Variants in GLIS1 observed in about 807,000 individuals in gnomAD.
GLIS1 encodes the protein GLIS family zinc finger 1.
A neutral mutation model predicts 63.8 loss-of-function variants in GLIS1; 24 were observed. That is an observed-to-expected ratio of 0.38 (90% CI 0.27 to 0.53). The LOEUF is 0.53. Ranked by LOEUF, GLIS1 falls within the 20% of genes least tolerant of loss-of-function variation. The pLI is 0.85. For missense variants in GLIS1, 1,036 were observed against 1,074.1 expected, an observed-to-expected ratio of 0.96 and a Z score of 0.50; for synonymous variants, 450 against 482.5, an observed-to-expected ratio of 0.93 and a Z score of 0.88.
chr1:53,509,581 G>A (rs776041321), intron 9 of GLIS1, among the ~76,000 whole-genome samples: 3 of 152,122 alleles, frequency 2.0e-5, no homozygotes, highest in South Asian at 2.1e-4. Flanking sequence ...GCTCAATCCC[G>A]CTCACTGGCC....
At chr1:53,729,642 G>A (rs1646840325) in intron 2 of GLIS1, among the ~76,000 whole-genome samples, 1 of 152,132 alleles carries the variant, frequency 6.6e-6, no homozygotes, top group South Asian at 2.1e-4. Context: ...ACGATGCCTT[G>A]AATTCACATA....
chr1:53,732,219 T>C (rs1466198490), intron 2 of GLIS1, among the ~76,000 whole-genome samples: 2 of 152,266 alleles, frequency 1.3e-5, no homozygotes, highest in African/African-American at 2.4e-5. Context: ...AATAATCCTT[T>C]GGAGTTTAAG....
chr1:53,568,082 C>T (rs189828689), intron 4 of GLIS1, among the ~76,000 whole-genome samples: 9 of 152,344 alleles, frequency 5.9e-5, no homozygotes, highest in Non-Finnish European at 8.8e-5. Context: ...CACAGGTACT[C>T]AACACCAGCT....
intron 2 of GLIS1, among the ~76,000 whole-genome samples, chr1:53,644,329 T>A (rs1645819164): frequency 3.3e-5 from 5 of 152,192 alleles, no homozygotes; most frequent in African/African-American, 1.2e-4. Context: ...CAACCTGACA[T>A]AATATTGATG....
chr1:53,613,173 T>C (rs1645444184), intron 2 of GLIS1, among the ~76,000 whole-genome samples: 1 of 152,242 alleles, frequency 6.6e-6, no homozygotes, highest in Non-Finnish European at 1.5e-5. Flanking sequence ...ATTAGTCCGA[T>C]ACAAGCTAAT....
At chr1:53,705,469 G>C (rs561548156) in intron 2 of GLIS1, among the ~76,000 whole-genome samples, 2 of 152,188 alleles carry the variant, frequency 1.3e-5, no homozygotes, top group Admixed American at 6.5e-5. Context: ...GAGTTGGAGC[G>C]GGGAGGAATC....
At chr1:53,524,219 C>T (rs558314980) in intron 6 of GLIS1, among the ~76,000 whole-genome samples, 4 of 152,326 alleles carry the variant, frequency 2.6e-5, no homozygotes, top group African/African-American at 4.8e-5. Flanking sequence ...AAGCAAGCCC[C>T]GCGGGCCCAC....
At chr1:53,726,948 C>G (rs1158360527) in intron 2 of GLIS1, among the ~76,000 whole-genome samples, 1 of 152,250 alleles carries the variant, frequency 6.6e-6, no homozygotes, top group African/African-American at 2.4e-5. Context: ...CTAACAACCA[C>G]AGCTCACCTC....
chr1:53,595,321 C>A (rs1414896876), intron 3 of GLIS1, among the ~76,000 whole-genome samples: 4 of 152,264 alleles, frequency 2.6e-5, no homozygotes, highest in Non-Finnish European at 5.9e-5. Flanking sequence ...GTGTTCACGA[C>A]CAGCTTGGGC....
At chr1:53,662,287 T>C (rs1646037144) in intron 2 of GLIS1, among the ~76,000 whole-genome samples, 1 of 152,156 alleles carries the variant, frequency 6.6e-6, no homozygotes, top group South Asian at 2.1e-4. Flanking sequence ...AGCATTATCA[T>C]CATCATTCGA....
At position 53,511,947 on chromosome 1, in the gene GLIS1, G is replaced by A. The variant is rs976791797; in HGVS notation, c.1884-1920C>T. Among the ~76,000 whole-genome samples the A allele has an allele frequency of 1.3e-5, 2 of 152,182 alleles. No homozygotes were observed. Among genetic ancestry groups the A allele is most frequent in the African/African-American group, 4.8e-5 (2 of 41,440 alleles). On this transcript the variant is annotated intron_variant, in intron 8 of 10. Coordinates refer to ENST00000628545, the MANE Select transcript of GLIS1 (RefSeq NM_001367484.1). The surrounding 1 kb of genome is among the most constrained non-coding windows in gnomAD (Gnocchi z 4.2). ...CTCGGTCACCCGGTGCCCAGCGCTG[G>A]GCATGGCACACAGTGAAAAACCAAT...
chr1:53,553,116 C>A (rs986497213), intron 4 of GLIS1, among the ~76,000 whole-genome samples: 1 of 152,182 alleles, frequency 6.6e-6, no homozygotes, highest in African/African-American at 2.4e-5. Flanking sequence ...GAGAATGGCT[C>A]GTCCGGAAGA....
chr1:53,711,105 G>A lies in GLIS1; in HGVS notation c.259+26701C>T, dbSNP rs375619076. 5.9e-5 allele frequency among the ~76,000 whole-genome samples: 9 copies of A among 152,266 alleles called. No homozygotes were observed. The East Asian group carries it at 1.7e-3, about 29-fold the overall frequency. ...GGGTCCAAGGCTGAGCCACCCACCA[G>A]TACCTCTATAGTCACAGCACGGCAT... On this transcript the variant is annotated intron_variant, in intron 2 of 10. Coordinates refer to ENST00000628545, the MANE Select transcript of GLIS1 (RefSeq NM_001367484.1).
chr1:53,635,584 A>C (rs1369934016), intron 2 of GLIS1, among the ~76,000 whole-genome samples: 1 of 152,110 alleles, frequency 6.6e-6, no homozygotes, highest in Non-Finnish European at 1.5e-5. Flanking sequence ...AAGAGAAACT[A>C]TAAAGGCAAA....
At chr1:53,509,629 A>G (rs1368423458) in intron 9 of GLIS1, among the ~76,000 whole-genome samples, 1 of 152,028 alleles carries the variant, frequency 6.6e-6, no homozygotes, top group African/African-American at 2.4e-5. Flanking sequence ...CCTTGTCCAG[A>G]ACACACTCTT....
Position 53,616,756 on chromosome 1 carries a change from C to T in GLIS1, c.260-16478G>A, listed in dbSNP as rs542532703. On this transcript the variant is annotated intron_variant, in intron 2 of 10. Transcript: ENST00000628545. ...CCTGGACACCTCAGCTCTCCAGGAA[C>T]GGGCACAATCCGGAGATCCAGCCCG... 3.9e-5 allele frequency among the ~76,000 whole-genome samples: 6 copies of T among 152,274 alleles called. No individual in the cohort carries two copies. The East Asian group carries it at 7.7e-4, about 20-fold the overall frequency.
chr1:53,566,283 G>A (rs1644936184), intron 4 of GLIS1, among the ~76,000 whole-genome samples: 1 of 152,062 alleles, frequency 6.6e-6, no homozygotes, highest in Non-Finnish European at 1.5e-5. Context: ...TACAGATCAG[G>A]AAGGAAGAAA....
chr1:53,610,806 G>A (rs891587086), intron 2 of GLIS1, among the ~76,000 whole-genome samples: 3 of 152,100 alleles, frequency 2.0e-5, no homozygotes, highest in African/African-American at 7.2e-5. Context: ...AACAATGTAT[G>A]TTAGGTCCTT....
chr1:53,509,549 C>G (rs1249140820), intron 9 of GLIS1, among the ~76,000 whole-genome samples: 3 of 152,144 alleles, frequency 2.0e-5, no homozygotes, highest in Non-Finnish European at 2.9e-5. Context: ...GTGGCTGATG[C>G]CTACTCCCTC....
Sources: gnomAD v4.1 joint callset for allele counts (sites outside exome capture counted in the v4.1 genomes callset) on GRCh38, gnomAD v4.1.1 for gene constraint, Gnocchi (gnomAD v3.1) non-coding constraint, MANE v1.5 for transcripts, NCBI Gene and HGNC (gene_info 2026-07-23, HGNC 2026-07-21) for gene names.